The following MARCHF1 variants were observed in gnomAD, a reference collection of about 807,000 sequenced individuals.
MARCHF1 encodes the protein E3 ubiquitin-protein ligase MARCHF1.
In MARCHF1, 40 loss-of-function variants were observed where a neutral mutation model predicts 54.2. The ratio of observed to expected loss-of-function variants is 0.74; its 90% CI spans 0.57 to 0.96. The LOEUF (loss-of-function observed/expected upper bound fraction) is 0.96, where lower values mean the gene tolerates loss of function less well. Among genes scored for constraint, MARCHF1 ranks in the 40% least tolerant of loss-of-function variants. The pLI is 0.00. For missense variants in MARCHF1, 586 were observed against 656.5 expected (o/e 0.89, Z 1.17); for synonymous variants, 236 against 236.3 (o/e 1.00, Z 0.01).
chr4:163,636,552 C>T (rs1742332855), intron 5 of MARCHF1, among the ~76,000 whole-genome samples: 1 of 150,226 alleles, frequency 6.7e-6, no homozygotes, highest in South Asian at 2.1e-4. Flanking sequence ...TGTGAAGGAC[C>T]TCTTCAAGGA....
At chr4:163,842,408 A>C (rs984018337) in intron 4 of MARCHF1, among the ~76,000 whole-genome samples, 9 of 138,772 alleles carry the variant, frequency 6.5e-5, no homozygotes, top group African/African-American at 1.0e-4. Flanking sequence ...ATGTAAAATA[A>C]GTGTTTAGTA....
In MARCHF1 at chr4:163,647,234, G is replaced by A. The variant is rs143708784; in HGVS notation, c.163-33841C>T. ...TTACACTTGTAAATGTATAATATAT[G>A]CACAGTATTGAAGCACCTAAACATA... On this transcript the variant is annotated intron_variant, in intron 5 of 9. Transcript: ENST00000514618. Among the ~76,000 whole-genome samples the A allele has an allele frequency of 1.6e-3, 237 of 152,136 alleles. 7 individuals carry two copies. In the East Asian group the frequency reaches 0.034, roughly 22 times the overall value.
At chr4:164,071,934 A>G (rs916827992) in intron 2 of MARCHF1, among the ~76,000 whole-genome samples, 2 of 152,044 alleles carry the variant, frequency 1.3e-5, no homozygotes, top group African/African-American at 4.8e-5. Flanking sequence ...TTTTTTAATG[A>G]ATTTTTTAGT....
intron 1 of MARCHF1, chr4:164,188,664 A>T: frequency 9.1e-7 from 1 of 1,099,314 alleles, no homozygotes; most frequent in South Asian, 1.2e-5. Context: ...TTTGACGCCA[A>T]GTGGCTCATC....
chr4:163,802,327 T>C (rs1356996534), intron 4 of MARCHF1, among the ~76,000 whole-genome samples: 1 of 152,156 alleles, frequency 6.6e-6, no homozygotes, highest in Non-Finnish European at 1.5e-5. Flanking sequence ...AAATTGCTAA[T>C]GTGGAGATCT....
At chr4:164,061,014 T>C (rs376907380) in intron 2 of MARCHF1, among the ~76,000 whole-genome samples, 2 of 152,190 alleles carry the variant, frequency 1.3e-5, no homozygotes, top group South Asian at 4.1e-4. Flanking sequence ...GTGCCATCAC[T>C]TAGAAATGTA....
chr4:164,197,872 T>TA (rs1292747617), intron 1 of MARCHF1, among the ~76,000 whole-genome samples: 3 of 152,120 alleles, frequency 2.0e-5, no homozygotes, highest in Admixed American at 6.5e-5. Context: ...GACTGATAAG[T>TA]AACCTGGGTC....
intron 1 of MARCHF1, among the ~76,000 whole-genome samples, chr4:164,225,698 G>A (rs1374140570): frequency 6.6e-6 from 1 of 151,942 alleles, no homozygotes; most frequent in Non-Finnish European, 1.5e-5. Context: ...AAGTGCTAAT[G>A]AGAACGTGAA....
chr4:163,991,256 T>C (rs1752962097), intron 2 of MARCHF1, among the ~76,000 whole-genome samples: 1 of 152,194 alleles, frequency 6.6e-6, no homozygotes, highest in Admixed American at 6.5e-5. Context: ...AATAAATATT[T>C]ATCTAACATT....
chr4:163,627,279 A>G (rs1741904999), intron 5 of MARCHF1, among the ~76,000 whole-genome samples: 1 of 152,102 alleles, frequency 6.6e-6, no homozygotes, highest in African/African-American at 2.4e-5. Flanking sequence ...GTATTTTATC[A>G]TCCTAGTATT....
intron 1 of MARCHF1, among the ~76,000 whole-genome samples, chr4:164,312,585 G>A (rs1045085975): frequency 1.3e-5 from 2 of 151,990 alleles, no homozygotes; most frequent in African/African-American, 4.8e-5. Context: ...GCCTCCGAAA[G>A]TGCTGGGATT....
At position 163,896,359 on chromosome 4, in the gene MARCHF1, T is replaced by A. The variant is rs1750806008; in HGVS notation, c.-38-42190A>T. ...TTTTGATTCCAGCTCTATCAGGTTG[T>A]ACTCAGTATTGTGATCTTAATTAGT... On this transcript the variant is annotated intron_variant, in intron 3 of 9. Transcript: ENST00000514618. Among the ~76,000 whole-genome samples, 2 of 152,190 alleles carry A rather than the reference T, an allele frequency of 1.3e-5. 1 individual carries two copies. The highest frequency in any genetic ancestry group is 4.8e-5 in the African/African-American group (2 of 41,454).
chr4:163,890,910 T>C (rs1211161767), intron 3 of MARCHF1, among the ~76,000 whole-genome samples: 1 of 152,002 alleles, frequency 6.6e-6, no homozygotes, highest in Non-Finnish European at 1.5e-5. Context: ...TTTTGTTTCC[T>C]AGTATAAAAA....
chr4:163,610,249 A>T (rs1040803350), intron 7 of MARCHF1, among the ~76,000 whole-genome samples: 6 of 152,016 alleles, frequency 3.9e-5, no homozygotes, highest in Admixed American at 6.6e-5. Context: ...ATCATAAGCC[A>T]CTTAAGGGAA....
intron 4 of MARCHF1, among the ~76,000 whole-genome samples, chr4:163,803,162 ATAT>A (rs950348130): frequency 6.6e-5 from 10 of 152,044 alleles, no homozygotes; most frequent in Admixed American, 5.9e-4. Context: ...AATGTAAAAC[ATAT>A]TATTATTATT....
chr4:163,863,199 G>A (rs542726796), intron 3 of MARCHF1, among the ~76,000 whole-genome samples: 1 of 152,004 alleles, frequency 6.6e-6, no homozygotes, highest in Non-Finnish European at 1.5e-5. Context: ...AGGATGGAAA[G>A]CAGGCTGTGA....
intron 4 of MARCHF1, chr4:163,829,258 C>G (rs1748946818): frequency 6.6e-6 from 1 of 152,204 alleles, no homozygotes; most frequent in African/African-American, 2.4e-5. Flanking sequence ...AAGCTCAACA[C>G]AGTTTGTGGA....
chr4:163,802,481 T>C (rs1367532390), intron 4 of MARCHF1, among the ~76,000 whole-genome samples: 2 of 152,258 alleles, frequency 1.3e-5, no homozygotes, highest in East Asian at 1.9e-4. Context: ...TAGATTACTA[T>C]GGCTGTTTGT....
At chr4:163,910,813 A>G (rs1751173719) in intron 3 of MARCHF1, among the ~76,000 whole-genome samples, 2 of 152,182 alleles carry the variant, frequency 1.3e-5, no homozygotes, top group South Asian at 4.1e-4. Context: ...GTAATCTTCT[A>G]AAGTTCCTGG....
Sources: allele counts gnomAD v4.1 joint callset (sites outside exome capture counted in the v4.1 genomes callset), GRCh38; gene constraint gnomAD v4.1.1; transcripts MANE v1.5; gene names NCBI Gene and HGNC (gene_info 2026-07-23, HGNC 2026-07-21).